The following SLC25A26 variants were observed in gnomAD, a reference collection of about 807,000 sequenced individuals.
SLC25A26 encodes the protein mitochondrial S-adenosylmethionine carrier protein.
A neutral mutation model predicts 37.8 loss-of-function variants in SLC25A26; 36 were observed. The observed-to-expected ratio is 0.95, with a 90% CI of 0.73 to 1.26. SLC25A26 has a LOEUF of 1.26. SLC25A26 is among the 50% of genes most tolerant of loss of function. The pLI is 0.00. For missense variants in SLC25A26, 390 were observed against 331.1 expected (o/e 1.18, Z -1.38); for synonymous variants, 129 against 122.5 (o/e 1.05, Z -0.35).
At chr3:66,185,568 T>A (rs947616417) in intron 1 of SLC25A26, among the ~76,000 whole-genome samples, 1 of 152,174 alleles carries the variant, frequency 6.6e-6, no homozygotes, top group Non-Finnish European at 1.5e-5. Flanking sequence ...TGCTGAACTT[T>A]ACCTGACCCT....
At chr3:66,360,920 A>G (rs2076692018) in intron 6 of SLC25A26, among the ~76,000 whole-genome samples, 1 of 152,212 alleles carries the variant, frequency 6.6e-6, no homozygotes, top group African/African-American at 2.4e-5. Flanking sequence ...ATTCATATGG[A>G]AATGCAAAAT....
At chr3:66,301,186 A>G (rs1482045819) in intron 5 of SLC25A26, among the ~76,000 whole-genome samples, 1 of 152,200 alleles carries the variant, frequency 6.6e-6, no homozygotes, top group African/African-American at 2.4e-5. Flanking sequence ...TTCAACTCAA[A>G]ATTGCCAGTT....
chr3:66,337,778 A>G (rs2076123362), intron 5 of SLC25A26, among the ~76,000 whole-genome samples: 1 of 152,054 alleles, frequency 6.6e-6, no homozygotes, highest in East Asian at 1.9e-4. Context: ...CAGAGTTTAT[A>G]ATATAATGAA....
chr3:66,321,828 G>A (rs1053593007), intron 5 of SLC25A26, among the ~76,000 whole-genome samples: 1 of 150,604 alleles, frequency 6.6e-6, no homozygotes, highest in South Asian at 2.1e-4. Flanking sequence ...CTTTATCTTA[G>A]TCTGTTTTGT....
chr3:66,210,326 A>G (rs1325936680), intron 1 of SLC25A26, among the ~76,000 whole-genome samples: 1 of 152,060 alleles, frequency 6.6e-6, no homozygotes. Flanking sequence ...GCTATGGGAC[A>G]AAAGCTGGAG....
chr3:66,263,508 C>T (rs1165572583), intron 5 of SLC25A26, 129 bp downstream of exon 5: 22 of 652,018 alleles, frequency 3.4e-5, no homozygotes, highest in Non-Finnish European at 6.0e-5. Context: ...GGGAAATTAT[C>T]GTCACTCTTC....
At position 66,236,718 on chromosome 3, in the gene SLC25A26, C is replaced by T; in HGVS notation, c.190+18C>T. ...TCCTAATGGTAAAAAATTATATTCT[C>T]ACTTCTGTAAAGCCAAGATAAGATG... On this transcript the variant is annotated intron_variant, in intron 2 of 9. Coordinates refer to ENST00000354883, the MANE Select transcript of SLC25A26 (RefSeq NM_001379210.1). The T allele has an allele frequency of 6.7e-7, 1 of 1,488,846 alleles. No homozygotes were observed. The highest frequency in any genetic ancestry group is 9.0e-7 in the Non-Finnish European group (1 of 1,111,602). 92.2% of individuals were successfully genotyped at this position (1,488,846 alleles called of 1,614,324 possible).
intron 1 of SLC25A26, among the ~76,000 whole-genome samples, chr3:66,190,732 AT>A (rs1288664520): frequency 2.0e-5 from 3 of 152,186 alleles, no homozygotes; most frequent in Admixed American, 6.5e-5. Context: ...CCTGACCAGA[AT>A]TTTCTTTAGA....
intron 5 of SLC25A26, among the ~76,000 whole-genome samples, chr3:66,292,249 A>ACACAC (rs1473936601): frequency 1.3e-4 from 20 of 152,058 alleles, no homozygotes; most frequent in Non-Finnish European, 2.8e-4. Context: ...TTCACTCTTT[A>ACACAC]TCCAGTGTGC....
chr3:66,263,376 A>G lies in SLC25A26; in HGVS notation c.450A>G (p.Arg150=), dbSNP rs1295879549. 4 of 1,605,364 alleles carry G rather than the reference A, an allele frequency of 2.5e-6. No individual in the cohort carries two copies. The highest frequency in any genetic ancestry group is 1.7e-4 in the Middle Eastern group (1 of 6,046). ...GAGGCTATAAAAGCACAGTTTTAAG[A>G]GAGGTAAGTCACTTACTTTCCAATA... The part of the protein sequence containing the change: ...LYRGYKSTVL[R]EIPFSLVQFP... Residue 150 remains arginine (R), a synonymous_variant, in exon 5 of 10, where the codon AGA becomes AGG. Coordinates refer to ENST00000354883, the MANE Select transcript of SLC25A26 (RefSeq NM_001379210.1).
At chr3:66,326,950 G>C (rs960779014) in intron 5 of SLC25A26, among the ~76,000 whole-genome samples, 1 of 152,222 alleles carries the variant, frequency 6.6e-6, no homozygotes, top group Non-Finnish European at 1.5e-5. Flanking sequence ...GACCCTGGCA[G>C]TACCTGCTGC....
At chr3:66,354,256 A>G (rs2107773574) in intron 6 of SLC25A26, among the ~76,000 whole-genome samples, 1 of 152,202 alleles carries the variant, frequency 6.6e-6, no homozygotes, top group South Asian at 2.1e-4. Context: ...TTTTGCTTAC[A>G]GCTACAGGGT....
intron 5 of SLC25A26, among the ~76,000 whole-genome samples, chr3:66,265,298 C>T (rs1576748605): frequency 6.6e-6 from 1 of 151,868 alleles, no homozygotes; most frequent in Non-Finnish European, 1.5e-5. Flanking sequence ...CAGAGAGACC[C>T]TGTCTCAAAA....
chr3:66,209,477 G>GTA (rs2071244653), intron 1 of SLC25A26, among the ~76,000 whole-genome samples: 1 of 139,040 alleles, frequency 7.2e-6, no homozygotes, highest in African/African-American at 2.6e-5. Context: ...ATATAAAGGT[G>GTA]TATACATATA....
intron 3 of SLC25A26, among the ~76,000 whole-genome samples, chr3:66,246,340 G>T (rs1036742924): frequency 2.0e-4 from 31 of 152,148 alleles, no homozygotes; most frequent in African/African-American, 7.2e-4. Flanking sequence ...TGAAGGGCAG[G>T]CTTTCCTCAG....
chr3:66,262,152 A>G lies in SLC25A26; in HGVS notation c.402A>G (p.Glu134=). The change falls in exon 4 of 10, where the codon GAA becomes GAG. Residue 134 remains glutamate, a synonymous_variant. Coordinates refer to ENST00000354883, the MANE Select transcript of SLC25A26 (RefSeq NM_001379210.1). ...TFQIFSNILY[E]EGIQGLYRGY... Reference sequence around the variant, plus strand: ...AGATTTTCTCTAACATCTTATATGAAGAGGTGAGATGGGTTTTTTAAGCTC... The same window carrying G: ...AGATTTTCTCTAACATCTTATATGAGGAGGTGAGATGGGTTTTTTAAGCTC... 1 of 1,511,850 alleles carries G rather than the reference A, an allele frequency of 6.6e-7. No individual in the cohort carries two copies. The highest frequency in any genetic ancestry group is 9.0e-7 in the Non-Finnish European group (1 of 1,111,396). 93.7% of individuals were successfully genotyped at this position (1,511,850 alleles called of 1,614,324 possible). A position where few individuals can be genotyped will look rare whatever the true frequency, so the allele number is the denominator to read the frequency against.
At chr3:66,210,519 C>CT (rs1208164653) in intron 1 of SLC25A26, among the ~76,000 whole-genome samples, 245 of 149,154 alleles carry the variant, frequency 1.6e-3, no homozygotes, top group African/African-American at 5.5e-3. Flanking sequence ...AACTGTGACT[C>CT]TTTTTTTTTT....
chr3:66,333,833 A>G (rs2076032201), intron 5 of SLC25A26, among the ~76,000 whole-genome samples: 1 of 115,746 alleles, frequency 8.6e-6, no homozygotes, highest in Admixed American at 9.5e-5. Flanking sequence ...GAACCTAGAA[A>G]AACAAAAAAC....
At chr3:66,288,034 G>A (rs1048307563) in intron 5 of SLC25A26, among the ~76,000 whole-genome samples, 1 of 152,194 alleles carries the variant, frequency 6.6e-6, no homozygotes, top group Non-Finnish European at 1.5e-5. Flanking sequence ...GTACAGAGGT[G>A]TAGAATTAGC....
Sources: gnomAD v4.1 joint callset for allele counts (sites outside exome capture counted in the v4.1 genomes callset) on GRCh38, gnomAD v4.1.1 for gene constraint, MANE v1.5 for transcripts, NCBI Gene and HGNC (gene_info 2026-07-23, HGNC 2026-07-21) for gene names.